CCDC73: variants seen among roughly 807,000 people sequenced by gnomAD.
The protein encoded by CCDC73 is coiled-coil domain-containing protein 73.
In CCDC73, 95 loss-of-function variants were observed where a neutral mutation model predicts 116.5. The ratio of observed to expected loss-of-function variants is 0.82; its 90% CI spans 0.69 to 0.97. The LOEUF (loss-of-function observed/expected upper bound fraction) is 0.97, where lower values mean the gene tolerates loss of function less well. Among genes scored for constraint, CCDC73 ranks in the 50% least tolerant of loss-of-function variants. The pLI is 0.00. For missense variants in CCDC73, 1,066 were observed against 1,206.8 expected (o/e 0.88, Z 1.73); for synonymous variants, 398 against 401.3 (o/e 0.99, Z 0.10).
chr11:32,768,899 C>T (rs1590639005), intron 1 of CCDC73, among the ~76,000 whole-genome samples: 1 of 152,096 alleles, frequency 6.6e-6, no homozygotes, highest in East Asian at 1.9e-4. Context: ...ATAGAGAAAT[C>T]TGCAAGATGT....
chr11:32,640,596 C>T (rs1855723460), intron 13 of CCDC73, among the ~76,000 whole-genome samples: 1 of 152,132 alleles, frequency 6.6e-6, no homozygotes, highest in Non-Finnish European at 1.5e-5. Context: ...ATAAACTGTA[C>T]TAGTATACCA....
chr11:32,731,679 C>G (rs1350537034), intron 2 of CCDC73, among the ~76,000 whole-genome samples: 1 of 152,188 alleles, frequency 6.6e-6, no homozygotes, highest in Non-Finnish European at 1.5e-5. Flanking sequence ...CCAGCAAACT[C>G]CAACAGACCT....
At chr11:32,740,731 TCTTG>T (rs1250638507) in intron 2 of CCDC73, among the ~76,000 whole-genome samples, 1 of 152,094 alleles carries the variant, frequency 6.6e-6, no homozygotes, top group African/African-American at 2.4e-5. Flanking sequence ...TTTGGTTTGC[TCTTG>T]CTTTTCTAGT....
chr11:32,666,862 A>AAGAC (rs1855987690), intron 9 of CCDC73, among the ~76,000 whole-genome samples: 3 of 151,604 alleles, frequency 2.0e-5, no homozygotes, highest in African/African-American at 7.3e-5. Context: ...TCTGTTTGTT[A>AAGAC]GTCTTCCTTC....
chr11:32,778,036 T>C lies in CCDC73; in HGVS notation c.-16+16577A>G, dbSNP rs198267. On this transcript the variant is annotated intron_variant, in intron 1 of 17. Coordinates refer to ENST00000335185, the MANE Select transcript of CCDC73 (RefSeq NM_001008391.4). The stretch of plus-strand genomic sequence containing the variant: ...ATCTTTGGAATCTGGGAATAGTATC[T>C]CTTTATGTTAAGAGCAGAAAACCAT... Among the ~76,000 whole-genome samples the C allele has an allele frequency of 6.5e-3, 993 of 152,342 alleles. 14 individuals carry two copies. The highest frequency in any genetic ancestry group is 0.023 in the African/African-American group (942 of 41,570).
At chr11:32,684,989 T>A (rs1049100406) in intron 6 of CCDC73, among the ~76,000 whole-genome samples, 16 of 152,040 alleles carry the variant, frequency 1.1e-4, no homozygotes, top group South Asian at 2.1e-4. Flanking sequence ...AAAAAAAATA[T>A]ATATATATAG....
chr11:32,733,776 A>T (rs1391659649), intron 2 of CCDC73, among the ~76,000 whole-genome samples: 1 of 152,234 alleles, frequency 6.6e-6, no homozygotes, highest in Non-Finnish European at 1.5e-5. Flanking sequence ...AGCAGTGTGT[A>T]GAGGGAAATT....
At chr11:32,667,369 C>T (rs1251465837) in intron 9 of CCDC73, among the ~76,000 whole-genome samples, 2 of 152,110 alleles carry the variant, frequency 1.3e-5, no homozygotes, top group South Asian at 4.1e-4. Context: ...ATGGTGGGTG[C>T]CCCTCCCCCA....
chr11:32,625,899 A>T (rs888340275), intron 14 of CCDC73, among the ~76,000 whole-genome samples: 28 of 148,548 alleles, frequency 1.9e-4, no homozygotes, highest in African/African-American at 6.9e-4. Flanking sequence ...AACTGGAAGC[A>T]TTCCCTTTGA....
In CCDC73 at chr11:32,613,302, G is replaced by A. The variant is rs1274931158; in HGVS notation, c.2896+120C>T. The stretch of plus-strand genomic sequence containing the variant: ...GTTAAAAACAAAAGAATATTAAGTT[G>A]TTCCTAATTTAAAATAAGACGAACT... On this transcript the variant is annotated intron_variant, in intron 16 of 17. Coordinates refer to ENST00000335185, the MANE Select transcript of CCDC73 (RefSeq NM_001008391.4). 5.0e-6 allele frequency: 4 copies of A among 804,800 alleles called. No homozygotes were observed. The Admixed American group carries it at 8.7e-5, about 17-fold the overall frequency. 49.9% of individuals were successfully genotyped at this position (804,800 alleles called of 1,614,324 possible).
chr11:32,759,813 G>GT (rs1850375685), intron 2 of CCDC73, among the ~76,000 whole-genome samples: 1 of 152,148 alleles, frequency 6.6e-6, no homozygotes, highest in Non-Finnish European at 1.5e-5. Flanking sequence ...CATCAGCCAT[G>GT]TGTCTAAAGA....
chr11:32,607,767 G>A (rs973549924), intron 17 of CCDC73, among the ~76,000 whole-genome samples: 1 of 151,928 alleles, frequency 6.6e-6, no homozygotes, highest in African/African-American at 2.4e-5. Flanking sequence ...TGAAAAGGGT[G>A]TATTAGTCCG....
At chr11:32,743,405 A>G (rs1461703184) in intron 2 of CCDC73, among the ~76,000 whole-genome samples, 1 of 152,114 alleles carries the variant, frequency 6.6e-6, no homozygotes. Context: ...ACACAACTAC[A>G]TGGAACAACC....
At chr11:32,722,298 A>C (rs553971384) in intron 2 of CCDC73, among the ~76,000 whole-genome samples, 3 of 152,204 alleles carry the variant, frequency 2.0e-5, no homozygotes, top group Admixed American at 1.3e-4. Context: ...TCTTAAAAAA[A>C]GGTTAACAAA....
intron 10 of CCDC73, 108 bp from the exon 11 acceptor site, chr11:32,654,145 G>C (rs1855850905): frequency 3.1e-6 from 3 of 953,988 alleles, no homozygotes; most frequent in South Asian, 2.0e-5. Context: ...CCTACCCCCA[G>C]AGTACCCACA....
chr11:32,752,151 T>C (rs1850292284), intron 2 of CCDC73, among the ~76,000 whole-genome samples: 1 of 152,306 alleles, frequency 6.6e-6, no homozygotes, highest in Admixed American at 6.5e-5. Context: ...TGAGAGTACT[T>C]ACCAAGCCTC....
At chr11:32,625,656 G>T (rs1222799258) in intron 14 of CCDC73, among the ~76,000 whole-genome samples, 2 of 152,058 alleles carry the variant, frequency 1.3e-5, no homozygotes, top group Non-Finnish European at 2.9e-5. Context: ...TCATCCCTGG[G>T]ATGCAAGGCT....
chr11:32,764,717 A>C (rs985000260), intron 1 of CCDC73, among the ~76,000 whole-genome samples: 1 of 152,216 alleles, frequency 6.6e-6, no homozygotes, highest in African/African-American at 2.4e-5. Flanking sequence ...AACAAGCAAA[A>C]TAACCAGCTA....
At chr11:32,708,149 G>A (rs924031465) in intron 3 of CCDC73, among the ~76,000 whole-genome samples, 3 of 152,174 alleles carry the variant, frequency 2.0e-5, no homozygotes, top group Non-Finnish European at 2.9e-5. Flanking sequence ...AGCACCACTT[G>A]TTGAAAAGGA....
Sources: gnomAD v4.1 joint callset for allele counts (sites outside exome capture counted in the v4.1 genomes callset) on GRCh38, gnomAD v4.1.1 for gene constraint, MANE v1.5 for transcripts, NCBI Gene and HGNC (gene_info 2026-07-23, HGNC 2026-07-21) for gene names.